The following CREBBP variants were observed in gnomAD, a reference collection of about 807,000 sequenced individuals.
CREBBP encodes CREB binding lysine acetyltransferase, also known as CREB-binding protein.
CREBBP carries 19 observed loss-of-function variants against 265.0 expected under a neutral mutation model. The observed-to-expected ratio is 0.07, with a 90% CI of 0.05 to 0.11. The LOEUF (loss-of-function observed/expected upper bound fraction) is 0.11, where lower values mean the gene tolerates loss of function less well. CREBBP is among the 10% of genes least tolerant of loss of function. The pLI, the probability that CREBBP is intolerant of heterozygous loss-of-function variation, is 1.00. For synonymous variants in CREBBP, 1,457 were observed against 1,223.7 expected (o/e 1.19, Z -3.98); for missense variants, 2,525 against 3,219.0 (o/e 0.78, Z 5.22).
intron 3 of CREBBP, among the ~76,000 whole-genome samples, chr16:3,802,110 CTTAATTTTTTTTTTTTTTTTTTTTTTT>C (rs2053725805): frequency 9.1e-6 from 1 of 109,640 alleles, no homozygotes; most frequent in Admixed American, 9.7e-5. Flanking sequence ...TCTGGTATTC[CTTAATTTTTTTTTTTTTTTTTTTTTTT>C]TTTTTTTTTT....
chr16:3,758,373 TCAAA>T (rs1231681760), intron 17 of CREBBP, among the ~76,000 whole-genome samples: 4 of 152,336 alleles, frequency 2.6e-5, no homozygotes, highest in Admixed American at 6.5e-5. Context: ...AACAAGTTTA[TCAAA>T]CAGTGTGTAT....
At chr16:3,825,532 G>A (rs117402066) in intron 2 of CREBBP, among the ~76,000 whole-genome samples, 1 of 152,190 alleles carries the variant, frequency 6.6e-6, no homozygotes, top group East Asian at 1.9e-4. Context: ...TCTAAGTGGA[G>A]GGCTCTGGAC....
intron 13 of CREBBP, 81 bp from the exon 14 acceptor site, chr16:3,771,067 GA>G (rs890815497): frequency 3.5e-5 from 54 of 1,537,728 alleles, no homozygotes; most frequent in South Asian, 1.0e-4. Context: ...TTAAATGTAT[GA>G]AAAAAAAATT....
chr16:3,776,237 A>G (rs2053135356), intron 11 of CREBBP, among the ~76,000 whole-genome samples: 1 of 152,120 alleles, frequency 6.6e-6, no homozygotes, highest in Non-Finnish European at 1.5e-5. Flanking sequence ...GATTTCTTTC[A>G]AAAATCAAAG....
At chr16:3,856,154 T>C (rs2054959335) in intron 1 of CREBBP, among the ~76,000 whole-genome samples, 1 of 152,186 alleles carries the variant, frequency 6.6e-6, no homozygotes, top group African/African-American at 2.4e-5. Flanking sequence ...GTTTTAGAGA[T>C]AGGGTCTTGC....
At chr16:3,849,812 T>C (rs1354580568) in intron 2 of CREBBP, among the ~76,000 whole-genome samples, 1 of 152,124 alleles carries the variant, frequency 6.6e-6, no homozygotes, top group Non-Finnish European at 1.5e-5. Flanking sequence ...ACTGCACTGG[T>C]GTTTCCTCTG....
intron 1 of CREBBP, among the ~76,000 whole-genome samples, chr16:3,865,270 T>C (rs984612828): frequency 6.6e-6 from 1 of 152,246 alleles, no homozygotes; most frequent in African/African-American, 2.4e-5. Flanking sequence ...TTTACAAGGC[T>C]ATTCATTAAA....
chr16:3,850,433 C>A lies in CREBBP; in HGVS notation c.662G>T (p.Gly221Val). 1 of 1,614,240 alleles carries A rather than the reference C, an allele frequency of 6.2e-7. No individual in the cohort carries two copies. Among genetic ancestry groups the A allele is most frequent in the Non-Finnish European group, 8.5e-7 (1 of 1,180,048 alleles). ...TGGAGTAGGGTACGGCATTCCAGCT[C>A]CCCTTCCTCTGCCAGCAGCCCCAAG... is the stretch of plus-strand genomic sequence containing the variant. ...GSLGAAGRGRGAGMPYPTPAM... is the reference protein window; with the variant it reads ...GSLGAAGRGRVAGMPYPTPAM... The change falls in exon 2 of 31, where the codon GGA becomes GTA. Residue 221 changes from glycine (G) to valine (V), a missense_variant. Physicochemically the swap from Gly to Val is moderately radical, Grantham distance 109 (BLOSUM62 -3). Around this residue, in one of 19 missense-constraint regions of CREBBP, gnomAD observed 356 missense variants for 340.4 expected, o/e 1.05. Transcript: ENST00000262367.
At chr16:3,819,034 G>A (rs576300712) in intron 2 of CREBBP, among the ~76,000 whole-genome samples, 5 of 152,390 alleles carry the variant, frequency 3.3e-5, no homozygotes, top group Admixed American at 1.3e-4. Flanking sequence ...CCGGCCTCAC[G>A]CCAGTAGCCG....
At chr16:3,828,292 A>G (rs1567343963) in intron 2 of CREBBP, among the ~76,000 whole-genome samples, 1 of 152,118 alleles carries the variant, frequency 6.6e-6, no homozygotes. Flanking sequence ...AGGTTTCTCC[A>G]TGTTGGTCAG....
At chr16:3,870,756 T>C (rs774036002) in intron 1 of CREBBP, among the ~76,000 whole-genome samples, 8 of 152,110 alleles carry the variant, frequency 5.3e-5, no homozygotes, top group Non-Finnish European at 1.2e-4. Context: ...AAGAAGTAGG[T>C]GATGGCTAAT....
At chr16:3,860,640 C>T (rs2055053676) in intron 1 of CREBBP, among the ~76,000 whole-genome samples, 1 of 152,090 alleles carries the variant, frequency 6.6e-6, no homozygotes, top group South Asian at 2.1e-4. Context: ...ATGATAAATA[C>T]ATACAATTTT....
In CREBBP at chr16:3,825,591, C is replaced by CA. The variant is rs3216334; in HGVS notation, c.799-14813dup. ...GAAAAGGGGTTCAGTCCTCTTCTGA[C>CA]AAAAAAAAAAGAAAATGAGATCTAC... On this transcript the variant is annotated intron_variant, in intron 2 of 30. Transcript: ENST00000262367. 4.6e-3 allele frequency among the ~76,000 whole-genome samples: 553 copies of CA among 120,464 alleles called. 1 individual carries two copies. Among genetic ancestry groups the CA allele is most frequent in the Admixed American group, 8.1e-3 (101 of 12,406 alleles). 79.0% of individuals were successfully genotyped at this position (120,464 alleles called of 152,430 possible).
At position 3,745,308 on chromosome 16, in the gene CREBBP, C is replaced by T. The variant is rs559939930; in HGVS notation, c.3883G>A (p.Val1295Ile). ...ECGRKMHQIC[V>I]LHYDIIWPSG... Reference sequence around the variant, plus strand: ...GGCCAAATGATGTCATAGTGCAGAACGCAAATCTGATGCATCTTCCGGCCA... The same window carrying T: ...GGCCAAATGATGTCATAGTGCAGAATGCAAATCTGATGCATCTTCCGGCCA... The change falls in exon 22 of 31, where the codon GTT becomes ATT. Residue 1295 changes from valine to isoleucine, a missense_variant. Physicochemically the swap from Val to Ile is conservative, Grantham distance 29 (BLOSUM62 3). Around this residue, in one of 19 missense-constraint regions of CREBBP, gnomAD observed 252 missense variants for 452.5 expected, o/e 0.56. Transcript: ENST00000262367. The T allele has an allele frequency of 2.2e-5, 35 of 1,613,944 alleles. No individual in the cohort carries two copies. The highest frequency in any genetic ancestry group is 1.6e-4 in the Middle Eastern group (1 of 6,084).
At chr16:3,750,511 G>A (rs544461366) in intron 20 of CREBBP, among the ~76,000 whole-genome samples, 13 of 152,296 alleles carry the variant, frequency 8.5e-5, no homozygotes, top group African/African-American at 3.1e-4. Flanking sequence ...GGGCAGATGT[G>A]GTGGGTGGCT....
intron 14 of CREBBP, 107 bp from the exon 15 acceptor site, chr16:3,769,460 T>A (rs1028019001): frequency 7.2e-7 from 1 of 1,379,986 alleles, no homozygotes; most frequent in Admixed American, 1.8e-5. Context: ...TTCTCAATAC[T>A]GATCCAGCAG....
chr16:3,738,676 TG>T lies in CREBBP; in HGVS notation c.4281-5del. ...CAGATAAGAAATGTACACACGCCTG[TG>T]GGAAGGAGGCACATGTTTAACTCAG... On this transcript the variant is annotated splice_region_variant and splice_polypyrimidine_tract_variant and intron_variant, in intron 25 of 30. Transcript: ENST00000262367. 2.5e-6 allele frequency: 4 copies of T among 1,593,396 alleles called. No individual in the cohort carries two copies. The highest frequency in any genetic ancestry group is 3.4e-6 in the Non-Finnish European group (4 of 1,161,990).
chr16:3,829,436 C>A (rs540961539), intron 2 of CREBBP, among the ~76,000 whole-genome samples: 224 of 152,212 alleles, frequency 1.5e-3, no homozygotes, highest in Non-Finnish European at 2.7e-3. Flanking sequence ...ATCACCAACA[C>A]CTCCTAGGGC....
chr16:3,863,864 A>C (rs2055125483), intron 1 of CREBBP, among the ~76,000 whole-genome samples: 2 of 152,178 alleles, frequency 1.3e-5, no homozygotes, highest in African/African-American at 4.8e-5. Flanking sequence ...CCACCAGAAC[A>C]CAGTAATGAC....
Sources: gnomAD v4.1 joint callset for allele counts (sites outside exome capture counted in the v4.1 genomes callset) on GRCh38, gnomAD v4.1.1 for gene constraint, gnomAD v4.1.1 regional missense constraint, MANE v1.5 for transcripts, NCBI Gene and HGNC (gene_info 2026-07-23, HGNC 2026-07-21) for gene names.